The following CIROZ variants were observed in gnomAD, a reference collection of about 807,000 sequenced individuals.
CIROZ encodes ciliated left-right organizer ZP-N domains-containing protein.
At chr1:10,980,020 C>T in the CIROZ span, among the ~76,000 whole-genome samples, 182 of 152,226 alleles carry the variant, frequency 1.2e-3, 3 homozygotes, top group South Asian at 0.024. Context: ...GCGCTCCAGC[C>T]TGGGCAACAA....
At chr1:10,969,213 G>A in the CIROZ span, among the ~76,000 whole-genome samples, 2 of 152,104 alleles carry the variant, frequency 1.3e-5, no homozygotes, top group African/African-American at 4.8e-5. Flanking sequence ...CTGTGCAAAA[G>A]AGAGGAGGAA....
the CIROZ span, among the ~76,000 whole-genome samples, chr1:10,972,952 A>G: frequency 6.8e-6 from 1 of 146,476 alleles, no homozygotes; most frequent in Non-Finnish European, 1.5e-5. Context: ...AAAATTTAAA[A>G]TAAAAAAAAA....
the CIROZ span, among the ~76,000 whole-genome samples, chr1:10,952,531 T>C: frequency 6.6e-6 from 1 of 152,186 alleles, no homozygotes; most frequent in Non-Finnish European, 1.5e-5. Flanking sequence ...TGTTGTTTTT[T>C]GGTTTTGTTT....
the CIROZ span, among the ~76,000 whole-genome samples, chr1:10,947,009 T>A: frequency 6.6e-6 from 1 of 152,218 alleles, no homozygotes; most frequent in Non-Finnish European, 1.5e-5. Flanking sequence ...GCCGTAAGAA[T>A]GGCTCTCGAG....
the CIROZ span, chr1:10,957,017 T>C: frequency 1.3e-6 from 2 of 1,550,030 alleles, no homozygotes; most frequent in Non-Finnish European, 8.7e-7. Context: ...CACTCCTGGG[T>C]CTTACCCGGT....
At chr1:10,948,107 G>A in the CIROZ span, 6 of 1,613,374 alleles carry the variant, frequency 3.7e-6, no homozygotes, top group African/African-American at 1.3e-5. Flanking sequence ...AGGCACTGGG[G>A]TCTGGCTGCC....
chr1:10,957,079 G>A, the CIROZ span: 1 of 1,550,486 alleles, frequency 6.4e-7, no homozygotes, highest in Non-Finnish European at 8.7e-7. Flanking sequence ...CAGCCATAGT[G>A]GCAGGAGCTC....
At chr1:10,977,728 A>G in the CIROZ span, among the ~76,000 whole-genome samples, 1 of 152,198 alleles carries the variant, frequency 6.6e-6, no homozygotes, top group Non-Finnish European at 1.5e-5. Context: ...GCATTGCCAT[A>G]GGTTCTCTAT....
chr1:10,948,870 G>C, the CIROZ span: 1 of 1,473,792 alleles, frequency 6.8e-7, no homozygotes, highest in Non-Finnish European at 9.0e-7. Flanking sequence ...AGTGGAGAGA[G>C]AAAAAGCATT....
the CIROZ span, chr1:10,949,626 T>C: frequency 6.2e-7 from 1 of 1,601,076 alleles, no homozygotes; most frequent in Admixed American, 1.7e-5. Flanking sequence ...AGACGTGCTT[T>C]GGCCAGTGCG....
the CIROZ span, chr1:10,964,281 G>T: frequency 6.2e-7 from 1 of 1,603,936 alleles, no homozygotes; most frequent in Admixed American, 1.7e-5. Context: ...TCTGGAAGTA[G>T]GGCAAAATTC....
chr1:10,947,631 C>T, the CIROZ span: 2 of 1,435,764 alleles, frequency 1.4e-6, no homozygotes, highest in Non-Finnish European at 1.8e-6. Flanking sequence ...CCAGGGTGCA[C>T]CCAGGACTCA....
chr1:10,950,069 C>T, the CIROZ span, among the ~76,000 whole-genome samples: 18 of 130,924 alleles, frequency 1.4e-4, no homozygotes, highest in Admixed American at 2.5e-4. Context: ...GAGTCTCACT[C>T]TGTGGCCAGG....
chr1:10,963,414 A>G, the CIROZ span, among the ~76,000 whole-genome samples: 1 of 152,012 alleles, frequency 6.6e-6, no homozygotes. Flanking sequence ...CAAACAAACA[A>G]AAAAACCCAG....
chr1:10,964,073 G>A, the CIROZ span: 1 of 1,596,158 alleles, frequency 6.3e-7, no homozygotes. Flanking sequence ...CCTTTAGAGA[G>A]AAGCCCAGCC....
chr1:10,949,406 G>T, the CIROZ span: 1 of 599,552 alleles, frequency 1.7e-6, no homozygotes, highest in South Asian at 2.0e-5. Context: ...GACAGATGAG[G>T]GGGGCTGCCC....
At chr1:10,964,383 A>G in the CIROZ span, 1 of 1,269,766 alleles carries the variant, frequency 7.9e-7, no homozygotes, top group Non-Finnish European at 1.1e-6. Context: ...TGAACCTCCT[A>G]GAAGGTGGGC....
At chr1:10,963,830 A>G in the CIROZ span, among the ~76,000 whole-genome samples, 2 of 152,108 alleles carry the variant, frequency 1.3e-5, no homozygotes, top group Admixed American at 1.3e-4. Flanking sequence ...CTTTGGTGAT[A>G]ACCCGACTGG....
the CIROZ span, among the ~76,000 whole-genome samples, chr1:10,979,069 G>A: frequency 2.6e-5 from 4 of 152,214 alleles, no homozygotes; most frequent in East Asian, 5.8e-4. Flanking sequence ...TCGGCTCACT[G>A]CAATCTCTGC....
Sources: gnomAD v4.1 joint callset for allele counts (sites outside exome capture counted in the v4.1 genomes callset) on GRCh38, gnomAD v4.1.1 for gene constraint, MANE v1.5 for transcripts, NCBI Gene and HGNC (gene_info 2026-07-23, HGNC 2026-07-21) for gene names.